Variants in CDKL3 observed in about 807,000 individuals in gnomAD.
The protein encoded by CDKL3 is cyclin-dependent kinase-like 3.
CDKL3 carries 65 observed loss-of-function variants against 69.3 expected under a neutral mutation model. That is an observed-to-expected ratio of 0.94 (90% CI 0.77 to 1.15). The LOEUF (loss-of-function observed/expected upper bound fraction) is 1.15, where lower values mean the gene tolerates loss of function less well. Ranked by LOEUF, CDKL3 falls within the 50% of genes most tolerant of loss-of-function variation. The pLI, the probability that CDKL3 is intolerant of heterozygous loss-of-function variation, is 0.00. For synonymous variants in CDKL3, 202 were observed against 221.6 expected, an observed-to-expected ratio of 0.91 and a Z score of 0.79; for missense variants, 652 against 689.2, an observed-to-expected ratio of 0.95 and a Z score of 0.61.
At chr5:134,308,751 G>T in intron 7 of CDKL3, 24 bp from the exon 8 acceptor site, 1 of 1,554,838 alleles carries the variant, frequency 6.4e-7, no homozygotes, top group South Asian at 1.2e-5. Flanking sequence ...CAATATCAAC[G>T]AGTAATCTTT....
chr5:134,291,508 C>T (rs1188145266), intron 8 of CDKL3, among the ~76,000 whole-genome samples: 4 of 152,346 alleles, frequency 2.6e-5, no homozygotes, highest in South Asian at 2.1e-4. Context: ...CAGTGGCTTA[C>T]GCCTGTAATC....
chr5:134,324,320 A>C, intron 4 of CDKL3, among the ~76,000 whole-genome samples: 1 of 152,350 alleles, frequency 6.6e-6, no homozygotes, highest in South Asian at 2.1e-4. Flanking sequence ...CTTACCATAC[A>C]ACCCAGCAAT....
intron 12 of CDKL3, among the ~76,000 whole-genome samples, chr5:134,301,914 A>C (rs1021823079): frequency 6.7e-6 from 1 of 148,870 alleles, no homozygotes; most frequent in African/African-American, 2.5e-5. Flanking sequence ...CAAACAAACA[A>C]ACACAAAAAC....
intron 4 of CDKL3, among the ~76,000 whole-genome samples, chr5:134,345,258 GA>G (rs1429369870): frequency 6.6e-6 from 1 of 152,098 alleles, no homozygotes; most frequent in African/African-American, 2.4e-5. Flanking sequence ...ATTTACTTCA[GA>G]TGGATGAACT....
intron 4 of CDKL3, among the ~76,000 whole-genome samples, chr5:134,341,284 G>A (rs185571280): frequency 4.7e-4 from 71 of 152,290 alleles, no homozygotes; most frequent in African/African-American, 1.7e-3. Flanking sequence ...AGACAAGGAT[G>A]TCTGCTCTTG....
upstream of CDKL3, among the ~76,000 whole-genome samples, chr5:134,368,855 G>C (rs1436486477): frequency 6.6e-6 from 1 of 151,852 alleles, no homozygotes; most frequent in East Asian, 1.9e-4. Flanking sequence ...CTGGGCAAGA[G>C]GGCAAAACTC....
chr5:134,287,525 C>T (rs1465280827), intron 8 of CDKL3, among the ~76,000 whole-genome samples: 3 of 152,180 alleles, frequency 2.0e-5, no homozygotes, highest in African/African-American at 7.2e-5. Context: ...GCCAAGACTC[C>T]CAATCATCAC....
intron 2 of CDKL3, among the ~76,000 whole-genome samples, chr5:134,361,239 A>T (rs1397668824): frequency 1.3e-5 from 2 of 152,072 alleles, no homozygotes; most frequent in African/African-American, 4.8e-5. Context: ...ATTAGCTAAA[A>T]ATGAAGGGTT....
At chr5:134,326,430 CAATAGGAAAA>C (rs1021207014) in intron 4 of CDKL3, among the ~76,000 whole-genome samples, 4 of 151,638 alleles carry the variant, frequency 2.6e-5, no homozygotes, top group Non-Finnish European at 5.9e-5. Flanking sequence ...AAGAGCTGTC[CAATAGGAAAA>C]ACGAAAACAA....
In CDKL3 at chr5:134,350,337, C is replaced by T. The variant is rs756646770; in HGVS notation, c.451G>A (p.Ala151Thr). The change falls in exon 4 of 13, where the codon GCA becomes ACA. Residue 151 changes from alanine (A) to threonine (T), a missense_variant. Physicochemically the swap from Ala to Thr is moderately conservative, Grantham distance 58. Coordinates refer to ENST00000265334, the MANE Select transcript of CDKL3 (RefSeq NM_001113575.2). ...TCCGTATAAATGTCCCCAGGAGCTGCTAGTGTTCGTGCAAAACCAAAATCA... is the reference window on the plus strand; with the variant it reads ...TCCGTATAAATGTCCCCAGGAGCTGTTAGTGTTCGTGCAAAACCAAAATCA... ...LCDFGFARTL[A>T]APGDIYTDYV... 5 of 1,592,758 alleles carry T rather than the reference C, an allele frequency of 3.1e-6. No individual in the cohort carries two copies. Among genetic ancestry groups the T allele is most frequent in the Non-Finnish European group, 4.3e-6 (5 of 1,169,144 alleles).
chr5:134,306,774 T>TTTG, intron 9 of CDKL3, 72 bp from the exon 10 acceptor site: 2 of 814,840 alleles, frequency 2.5e-6, no homozygotes, highest in Non-Finnish European at 3.6e-6. Context: ...TTTTTTTTTT[T>TTTG]GGCAGATTCT....
In CDKL3 at chr5:134,350,294, C is replaced by T. The variant is rs1414513019; in HGVS notation, c.494G>A (p.Trp165Ter). 1.3e-6 allele frequency: 2 copies of T among 1,592,180 alleles called. No individual in the cohort carries two copies. The highest frequency in any genetic ancestry group is 2.3e-5 in the South Asian group (2 of 87,298). Residue 165 changes from tryptophan (W) to a stop codon, truncating the protein, a stop_gained, in exon 4 of 13, where the codon TGG becomes TAG. Coordinates refer to ENST00000265334, the MANE Select transcript of CDKL3 (RefSeq NM_001113575.2). LOFTEE classifies it high-confidence loss of function. ...TAATACTAATTCGGGAGCTCTATAC[C>T]AGCGTGTGGCCACATAGTCCGTATA... ...DIYTDYVATR[W>*]YRAPELVLKD... is the part of the protein sequence containing the mutation.
chr5:134,366,025 T>C (rs930777681), intron 2 of CDKL3, among the ~76,000 whole-genome samples: 6 of 152,230 alleles, frequency 3.9e-5, no homozygotes, highest in African/African-American at 1.4e-4. Flanking sequence ...TCTGATTAAA[T>C]TATAGAAGTC....
At chr5:134,353,103 T>C (rs1042889079) in intron 3 of CDKL3, among the ~76,000 whole-genome samples, 13 of 152,216 alleles carry the variant, frequency 8.5e-5, no homozygotes, top group African/African-American at 3.1e-4. Flanking sequence ...AGATGATTCA[T>C]CTATTCTTAT....
chr5:134,357,164 A>G (rs1259048816), intron 3 of CDKL3, among the ~76,000 whole-genome samples: 5 of 152,102 alleles, frequency 3.3e-5, no homozygotes, highest in Non-Finnish European at 7.4e-5. Context: ...AGAAAATGTA[A>G]GCCGGGCGCG....
intron 4 of CDKL3, 37 bp from the exon 5 acceptor site, chr5:134,321,940 T>A: frequency 1.9e-6 from 2 of 1,076,468 alleles, no homozygotes; most frequent in Non-Finnish European, 2.8e-6. Flanking sequence ...CACTTTTTCA[T>A]GTAGAAATTT....
intron 4 of CDKL3, among the ~76,000 whole-genome samples, chr5:134,330,704 G>A (rs1426068943): frequency 6.6e-6 from 1 of 150,522 alleles, no homozygotes; most frequent in Non-Finnish European, 1.5e-5. Context: ...GACAGAGCCA[G>A]ACCCTGTCTG....
chr5:134,323,583 T>G (rs1773359891), intron 4 of CDKL3, among the ~76,000 whole-genome samples: 1 of 152,166 alleles, frequency 6.6e-6, no homozygotes, highest in Non-Finnish European at 1.5e-5. Context: ...CTCAACTGAT[T>G]TTTGACAAAG....
At chr5:134,312,153 C>A (rs545677743) in intron 7 of CDKL3, 139 bp downstream of exon 7, 2 of 632,376 alleles carry the variant, frequency 3.2e-6, no homozygotes, top group Non-Finnish European at 5.6e-6. Flanking sequence ...CTAGTCAATA[C>A]CTGATACAAT....
Sources: allele counts gnomAD v4.1 joint callset (sites outside exome capture counted in the v4.1 genomes callset), GRCh38; gene constraint gnomAD v4.1.1; transcripts MANE v1.5; gene names NCBI Gene and HGNC (gene_info 2026-07-23, HGNC 2026-07-21).